The following CCDC74A variants were observed in gnomAD, a reference collection of about 807,000 sequenced individuals.
The protein encoded by CCDC74A is coiled-coil domain-containing protein 74A.
In CCDC74A, 38 loss-of-function variants were observed where a neutral mutation model predicts 37.6. That is an observed-to-expected ratio of 1.01 (90% confidence interval 0.78 to 1.33). CCDC74A has a LOEUF of 1.33. Among genes scored for constraint, CCDC74A ranks in the 40% most tolerant of loss-of-function variants. CCDC74A has a pLI of 0.00. For synonymous variants in CCDC74A, 134 were observed against 165.2 expected, an observed-to-expected ratio of 0.81 and a Z score of 1.45; for missense variants, 340 against 403.4, an observed-to-expected ratio of 0.84 and a Z score of 1.35.
At chr2:131,524,287 T>C (rs1680221965), upstream of CCDC74A, among the ~76,000 whole-genome samples, 1 of 152,158 alleles carries the variant, frequency 6.6e-6, no homozygotes. Context: ...TTTAAGGAGA[T>C]GTGTATGGGT....
At chr2:131,529,149 C>CT (rs1034431231) in intron 1 of CCDC74A, 55 of 215,444 alleles carry the variant, frequency 2.6e-4, no homozygotes, top group African/African-American at 1.3e-3. Flanking sequence ...CCGCGGCCTC[C>CT]TCTCCCGCCC....
chr2:131,530,045 G>A (rs1470229371), intron 2 of CCDC74A: 2 of 1,550,292 alleles, frequency 1.3e-6, no homozygotes, highest in Non-Finnish European at 1.7e-6. Context: ...GCTGTGGCCA[G>A]GCCCAGGATT....
In CCDC74A at chr2:131,528,217, A is replaced by C. The variant is rs768433244; in HGVS notation, c.247A>C (p.Lys83Gln). 1 of 1,612,288 alleles carries C rather than the reference A, an allele frequency of 6.2e-7. No homozygotes were observed. Among genetic ancestry groups the C allele is most frequent in the South Asian group, 1.1e-5 (1 of 90,818 alleles). The change falls in exon 1 of 8, where the codon AAG becomes CAG. Residue 83 changes from lysine (K) to glutamine (Q), a missense_variant. Around this residue, in one of 3 missense-constraint regions of CCDC74A, gnomAD observed 154 missense variants for 153.9 expected, o/e 1.00. Coordinates refer to ENST00000409856, the MANE Select transcript of CCDC74A (RefSeq NM_001258306.3). The stretch of plus-strand genomic sequence containing the variant: ...GATCGAGCATCTGAAGCGGGAAAAC[A>C]AGGGTGAGCCGGCGCGGGGCCCTAG... ...EEIEHLKRENKDLHYKLIMNQ... is the reference protein window; with the variant it reads ...EEIEHLKRENQDLHYKLIMNQ...
At chr2:131,532,817 T>A (rs1176212655) in intron 5 of CCDC74A, 36 bp downstream of exon 5, 1 of 1,612,774 alleles carries the variant, frequency 6.2e-7, no homozygotes, top group Non-Finnish European at 8.5e-7. Flanking sequence ...CCCTGGGCAG[T>A]CTGGCACCGC....
chr2:131,524,798 T>C (rs1316876441), upstream of CCDC74A, among the ~76,000 whole-genome samples: 2 of 147,860 alleles, frequency 1.4e-5, no homozygotes, highest in Non-Finnish European at 3.0e-5. Context: ...CAGTGGCTCA[T>C]ACCTGTAATT....
At chr2:131,525,716 T>C (rs1490799930), upstream of CCDC74A, among the ~76,000 whole-genome samples, 1 of 134,204 alleles carries the variant, frequency 7.5e-6, no homozygotes, top group Non-Finnish European at 1.6e-5. Flanking sequence ...CCTGCCTTTT[T>C]TTTTTTTTTT....
upstream of CCDC74A, chr2:131,527,771 A>C (rs1573514615): frequency 4.1e-6 from 3 of 729,072 alleles, no homozygotes; most frequent in East Asian, 9.6e-5. Context: ...CGGGGATTAC[A>C]GGCGTGAGCC....
At chr2:131,530,479 C>T (rs775324296) in intron 2 of CCDC74A, 49 of 1,556,406 alleles carry the variant, frequency 3.1e-5, no homozygotes, top group Non-Finnish European at 3.7e-5. Context: ...TCGGCAGCCC[C>T]AGCCCTGCAG....
Position 131,528,045 on chromosome 2 carries a change from G to A in CCDC74A, c.75G>A (p.Gln25=). Residue 25 remains glutamine, a synonymous_variant, in exon 1 of 8, where the codon CAG becomes CAA. Transcript: ENST00000409856. ...CCCCGGGCTCTCGGCGCCGGCGCCA[G>A]CGCCCCTCTGTGGGCGTCCAGTCCT... ...SPTPGSRRRR[Q]RPSVGVQSLR... 1 of 1,534,436 alleles carries A rather than the reference G, an allele frequency of 6.5e-7. No homozygotes were observed. The highest frequency in any genetic ancestry group is 8.7e-7 in the Non-Finnish European group (1 of 1,147,356).
chr2:131,530,345 C>T (rs3101991), intron 2 of CCDC74A: 12 of 1,545,408 alleles, frequency 7.8e-6, no homozygotes, highest in East Asian at 2.4e-5. Flanking sequence ...GGGAACATCG[C>T]AGCTGGGGCA....
In CCDC74A at chr2:131,533,220, A is replaced by T. The variant is rs773117216; in HGVS notation, c.810-49A>T. ...GCCATGCAGGCCGCACTCCCCACAC[A>T]CTCCACTCCCGGGGATGCTCACGGT... is the stretch of plus-strand genomic sequence containing the variant. On this transcript the variant is annotated intron_variant, in intron 7 of 7. Coordinates refer to ENST00000409856, the MANE Select transcript of CCDC74A (RefSeq NM_001258306.3). 10 of 1,609,702 alleles carry T rather than the reference A, an allele frequency of 6.2e-6. No individual in the cohort carries two copies. The Admixed American group carries it at 1.7e-4, about 27-fold the overall frequency.
intron 1 of CCDC74A, chr2:131,528,635 C>T (rs1680629439): frequency 3.1e-6 from 2 of 640,372 alleles, no homozygotes; most frequent in Admixed American, 4.9e-5. Flanking sequence ...ACGGTGAAAT[C>T]TCGTCTCTAC....
upstream of CCDC74A, among the ~76,000 whole-genome samples, chr2:131,524,008 A>G (rs1680215345): frequency 6.6e-6 from 1 of 152,054 alleles, no homozygotes; most frequent in Non-Finnish European, 1.5e-5. Flanking sequence ...GTCTCTTCCA[A>G]GCATACTTTC....
Position 131,533,320 on chromosome 2 carries a change from C to T in CCDC74A, c.861C>T (p.Thr287=). ...CCATCCTGCCCGCACTGAAGCAGACCCCGAAGAACAACTTTGCCGAGAGGC... is the reference window on the plus strand; with the variant it reads ...CCATCCTGCCCGCACTGAAGCAGACTCCGAAGAACAACTTTGCCGAGAGGC... ...ERAILPALKQ[T]PKNNFAERQK... Residue 287 remains threonine (T), a synonymous_variant, in exon 8 of 8, where the codon ACC becomes ACT. Transcript: ENST00000409856. 6.2e-7 allele frequency: 1 copy of T among 1,613,422 alleles called. No homozygotes were observed. The highest frequency in any genetic ancestry group is 8.5e-7 in the Non-Finnish European group (1 of 1,179,946).
rs1442714374 is a variant in CCDC74A, at chr2:131,532,612, AT to A, written c.510del (p.Asn170LysfsTer25). The A allele has an allele frequency of 6.2e-7, 1 of 1,600,638 alleles. No individual in the cohort carries two copies. Among genetic ancestry groups the A allele is most frequent in the Non-Finnish European group, 8.5e-7 (1 of 1,173,806 alleles). Reference sequence around the variant, plus strand: ...AGAAAGGAGAAAGCAGAGGCCTCTAATGCAGGAGCTGCCTGTATGGGGAACA... The same window carrying A: ...AGAAAGGAGAAAGCAGAGGCCTCTAAGCAGGAGCTGCCTGTATGGGGAACA... ...QARKEKAEAS[N>X]AGAACMGNSQ... On this transcript the variant is annotated frameshift_variant, in exon 5 of 8. Transcript: ENST00000409856. LOFTEE classifies it high-confidence loss of function.
In CCDC74A at chr2:131,530,172, CAG is replaced by C. The variant is rs1680992944; in HGVS notation, c.295+484_295+485del. 5.8e-6 allele frequency: 9 copies of C among 1,549,234 alleles called. No individual in the cohort carries two copies. The South Asian group carries it at 8.4e-5, about 14-fold the overall frequency. On this transcript the variant is annotated intron_variant, in intron 2 of 7. Transcript: ENST00000409856. ...CAACCATGGGGACAAAGGGAGGAAGCAGAGTCCTGTTTCCTTGCCACTTGTCC... is the reference window on the plus strand; with the variant it reads ...CAACCATGGGGACAAAGGGAGGAAGCAGTCCTGTTTCCTTGCCACTTGTCC...
upstream of CCDC74A, among the ~76,000 whole-genome samples, chr2:131,525,711 C>CTTTTTTTTTTTT (rs58721770): frequency 8.8e-4 from 56 of 63,460 alleles, 4 homozygotes; most frequent in African/African-American, 4.1e-3. Context: ...CTATGCCTGC[C>CTTTTTTTTTTTT]TTTTTTTTTT....
In CCDC74A at chr2:131,528,130, G is replaced by C; in HGVS notation, c.160G>C (p.Glu54Gln). The C allele has an allele frequency of 1.9e-6, 3 of 1,613,922 alleles. No homozygotes were observed. The highest frequency in any genetic ancestry group is 2.5e-6 in the Non-Finnish European group (3 of 1,179,832). Residue 54 changes from glutamate to glutamine, a missense_variant, in exon 1 of 8, where the codon GAG becomes CAG. Glu to Gln is a conservative substitution (Grantham distance 29). Coordinates refer to ENST00000409856, the MANE Select transcript of CCDC74A (RefSeq NM_001258306.3). ...CCCGCAGAAACGGAACCTGGACCTG[G>C]AGAAAAGCCTGCAGTTCCTGCAGCA... ...SDPQKRNLDL[E>Q]KSLQFLQQQH...
At chr2:131,529,103 C>A (rs1354796187) in intron 1 of CCDC74A, 1 of 197,142 alleles carries the variant, frequency 5.1e-6, no homozygotes, top group Non-Finnish European at 1.0e-5. Flanking sequence ...GCTCCTCGAT[C>A]TTGCTTCAGG....
Sources: allele counts gnomAD v4.1 joint callset (sites outside exome capture counted in the v4.1 genomes callset), GRCh38; gene constraint gnomAD v4.1.1; regional missense constraint gnomAD v4.1.1; transcripts MANE v1.5; gene names NCBI Gene and HGNC (gene_info 2026-07-23, HGNC 2026-07-21).